Variants in FAAH2 observed in about 807,000 individuals in gnomAD.
FAAH2 encodes the protein fatty-acid amide hydrolase 2.
A neutral mutation model predicts 36.9 loss-of-function variants in FAAH2; 60 were observed. The ratio of observed to expected loss-of-function variants is 1.63; its 90% CI spans 1.32 to 2.02. The LOEUF (loss-of-function observed/expected upper bound fraction) is 2.02, where lower values mean the gene tolerates loss of function less well. Among genes scored for constraint, FAAH2 ranks in the 30% most tolerant of loss-of-function variants. The pLI is 0.00. For synonymous variants in FAAH2, 214 were observed against 143.8 expected (o/e 1.49, Z -3.49); for missense variants, 689 against 397.5 (o/e 1.73, Z -6.23).
At chrX:57,182,361 G>A in the FAAH2 span, among the ~76,000 whole-genome samples, 3 of 111,520 alleles carry the variant, frequency 2.7e-5, no homozygotes, top group African/African-American at 9.8e-5. Flanking sequence ...GCATCTGTAA[G>A]GATCTTAAAC....
chrX:57,344,163 C>A (rs948036298), intron 5 of FAAH2, among the ~76,000 whole-genome samples: 4 of 106,948 alleles, frequency 3.7e-5, no homozygotes, highest in Non-Finnish European at 7.7e-5. Flanking sequence ...AACAGTATTT[C>A]GATAGGGATA....
At chrX:57,462,589 C>T (rs2056979954) in intron 10 of FAAH2, among the ~76,000 whole-genome samples, 1 of 112,041 alleles carries the variant, frequency 8.9e-6, no homozygotes, top group African/African-American at 3.2e-5. Flanking sequence ...GCAGAAAAAG[C>T]CTTCAATAAA....
At chrX:57,433,271 G>GA (rs902256925) in intron 8 of FAAH2, among the ~76,000 whole-genome samples, 1 of 110,299 alleles carries the variant, frequency 9.1e-6, no homozygotes, top group Non-Finnish European at 1.9e-5. Context: ...AAAGAGGGGG[G>GA]AAAAATCTGC....
chrX:57,353,661 G>T lies in FAAH2; in HGVS notation c.742+12271G>T, dbSNP rs2054088651. On this transcript the variant is annotated intron_variant, in intron 5 of 10. Coordinates refer to ENST00000374900, the MANE Select transcript of FAAH2 (RefSeq NM_174912.4). The stretch of plus-strand genomic sequence containing the variant: ...CTAGCAAAGATGTAATCAACAGAGT[G>T]ATGAAACAACCTGTTGAATGGAAGA... 1.8e-5 allele frequency among the ~76,000 whole-genome samples: 2 copies of T among 110,514 alleles called. 1 individual carries two copies. Among genetic ancestry groups the T allele is most frequent in the Admixed American group, 1.9e-4 (2 of 10,342 alleles).
chrX:57,439,932 G>A, intron 8 of FAAH2, among the ~76,000 whole-genome samples: 2 of 111,426 alleles, frequency 1.8e-5, no homozygotes, highest in East Asian at 5.6e-4. Context: ...CATTATTTCT[G>A]AGGGTTCTGT....
intron 8 of FAAH2, among the ~76,000 whole-genome samples, chrX:57,436,401 A>G (rs1439696636): frequency 9.1e-6 from 1 of 110,414 alleles, no homozygotes; most frequent in Non-Finnish European, 1.9e-5. Flanking sequence ...AGAGACCAAA[A>G]AGGAAAGGTA....
chrX:57,292,304 T>C (rs2052008762), intron 1 of FAAH2, among the ~76,000 whole-genome samples, 194 bp from the exon 2 acceptor site: 1 of 111,867 alleles, frequency 8.9e-6, no homozygotes, highest in African/African-American at 3.2e-5. Context: ...GGTATATTCC[T>C]GACTTCTTAC....
chrX:57,315,473 C>A (rs1225478346), intron 3 of FAAH2, among the ~76,000 whole-genome samples: 4 of 111,490 alleles, frequency 3.6e-5, no homozygotes, highest in Admixed American at 9.6e-5. Flanking sequence ...AAACTTCAGA[C>A]CAATATCCCT....
At chrX:57,251,794 T>A in the FAAH2 span, among the ~76,000 whole-genome samples, 2 of 111,063 alleles carry the variant, frequency 1.8e-5, no homozygotes, top group Non-Finnish European at 3.8e-5. Flanking sequence ...AGAAGATGGG[T>A]GATTTCTGCA....
intron 8 of FAAH2, among the ~76,000 whole-genome samples, chrX:57,439,414 C>A (rs1383125717): frequency 9.0e-6 from 1 of 111,727 alleles, no homozygotes; most frequent in Non-Finnish European, 1.9e-5. Context: ...TGAGAAGTGT[C>A]TGTTCATATC....
At chrX:57,301,014 G>A (rs2052343794) in intron 2 of FAAH2, among the ~76,000 whole-genome samples, 1 of 110,770 alleles carries the variant, frequency 9.0e-6, no homozygotes, top group South Asian at 3.9e-4. Flanking sequence ...AATGTTGGTG[G>A]GACTGTAAAC....
At chrX:57,430,574 G>C (rs1017652870) in intron 7 of FAAH2, among the ~76,000 whole-genome samples, 1 of 111,261 alleles carries the variant, frequency 9.0e-6, no homozygotes, top group East Asian at 2.8e-4. Context: ...TACAGATTTA[G>C]TAAGAATATA....
At chrX:57,160,069 G>A in the FAAH2 span, among the ~76,000 whole-genome samples, 2 of 111,799 alleles carry the variant, frequency 1.8e-5, no homozygotes. Context: ...TTTTGTCAAA[G>A]GCCTTTTCTG....
the FAAH2 span, among the ~76,000 whole-genome samples, chrX:57,222,124 T>A: frequency 9.0e-6 from 1 of 111,534 alleles, no homozygotes; most frequent in South Asian, 3.8e-4. Context: ...ACCGACCACA[T>A]ATCCCTCCTC....
chrX:57,162,208 T>A, the FAAH2 span, among the ~76,000 whole-genome samples: 5 of 112,277 alleles, frequency 4.5e-5, no homozygotes, highest in African/African-American at 1.6e-4. Context: ...TTCTGGTTTG[T>A]AGGGTTTCTG....
rs1344075152 is a variant in FAAH2 at position 57,480,395 on chromosome X, G to A, written c.1424-8362G>A. Among the ~76,000 whole-genome samples the A allele has an allele frequency of 2.7e-5, 3 of 111,727 alleles. No homozygotes were observed. The South Asian group carries it at 1.1e-3, about 41-fold the overall frequency. On this transcript the variant is annotated intron_variant, in intron 10 of 10. Coordinates refer to ENST00000374900, the MANE Select transcript of FAAH2 (RefSeq NM_174912.4). ...ACTGGCAAACCGAATCCAGCAGCAC[G>A]TCGAAAACCTTCAGGTGCTCTTTTA...
At chrX:57,201,844 C>T in the FAAH2 span, among the ~76,000 whole-genome samples, 2 of 111,310 alleles carry the variant, frequency 1.8e-5, no homozygotes, top group Admixed American at 1.9e-4. Flanking sequence ...TCTTTTGCCT[C>T]CTCTGGCTTT....
chrX:57,374,098 T>A (rs908321286), intron 5 of FAAH2, among the ~76,000 whole-genome samples: 5 of 111,934 alleles, frequency 4.5e-5, no homozygotes, highest in African/African-American at 1.6e-4. Context: ...AGCAGTATCA[T>A]GTTGTTTTGG....
At chrX:57,203,644 A>G in the FAAH2 span, among the ~76,000 whole-genome samples, 4 of 112,044 alleles carry the variant, frequency 3.6e-5, no homozygotes, top group Non-Finnish European at 7.5e-5. Context: ...AACACAGATT[A>G]ATAACACAAT....
Sources: allele counts gnomAD v4.1 joint callset (sites outside exome capture counted in the v4.1 genomes callset), GRCh38; gene constraint gnomAD v4.1.1; transcripts MANE v1.5; gene names NCBI Gene and HGNC (gene_info 2026-07-23, HGNC 2026-07-21).